TDRD3: variants seen among roughly 807,000 people sequenced by gnomAD.
TDRD3 encodes tudor domain-containing protein 3.
A neutral mutation model predicts 86.7 loss-of-function variants in TDRD3; 45 were observed. The ratio of observed to expected loss-of-function variants is 0.52; its 90% confidence interval spans 0.41 to 0.67. The LOEUF is 0.67. TDRD3 is among the 30% of genes least tolerant of loss of function. The pLI is 0.00. For synonymous variants in TDRD3, 298 were observed against 301.7 expected, an observed-to-expected ratio of 0.99 and a Z score of 0.13; for missense variants, 814 against 889.0, an observed-to-expected ratio of 0.92 and a Z score of 1.07.
chr13:60,485,647 T>C, intron 6 of TDRD3, 152 bp from the exon 7 acceptor site: 1 of 561,596 alleles, frequency 1.8e-6, no homozygotes, highest in Non-Finnish European at 2.7e-6. Flanking sequence ...TTTCTACTTT[T>C]ACTTTTAAAT....
At chr13:60,555,717 GTTCA>G (rs1379061365) in intron 12 of TDRD3, among the ~76,000 whole-genome samples, 4 of 152,044 alleles carry the variant, frequency 2.6e-5, no homozygotes, top group Non-Finnish European at 5.9e-5. Flanking sequence ...GTATCATTTA[GTTCA>G]TTCAATCTTA....
intron 1 of TDRD3, among the ~76,000 whole-genome samples, chr13:60,401,010 TA>T (rs1374233445): frequency 6.6e-6 from 1 of 152,208 alleles, no homozygotes; most frequent in African/African-American, 2.4e-5. Flanking sequence ...TTGTGGTGTG[TA>T]AATTTACTTT....
chr13:60,436,214 T>C (rs535416656), intron 1 of TDRD3, among the ~76,000 whole-genome samples: 1 of 152,112 alleles, frequency 6.6e-6, no homozygotes, highest in African/African-American at 2.4e-5. Flanking sequence ...GGGTTGTCTG[T>C]TTACTCTGCT....
At chr13:60,570,611 C>G (rs971060832) in intron 13 of TDRD3, among the ~76,000 whole-genome samples, 1 of 152,050 alleles carries the variant, frequency 6.6e-6, no homozygotes, top group Non-Finnish European at 1.5e-5. Flanking sequence ...TTAATTGCTT[C>G]AAACAAAGTT....
At chr13:60,443,910 G>A (rs1955340317) in intron 2 of TDRD3, among the ~76,000 whole-genome samples, 1 of 151,874 alleles carries the variant, frequency 6.6e-6, no homozygotes, top group Admixed American at 6.6e-5. Context: ...AGTACTGACA[G>A]TTTTCCTGTG....
At chr13:60,396,441 G>C (rs916576901), upstream of TDRD3, 2 of 152,282 alleles carry the variant, frequency 1.3e-5, no homozygotes, top group African/African-American at 2.4e-5. Context: ...ACGGCGGCGC[G>C]CATGCCCACT....
intron 4 of TDRD3, among the ~76,000 whole-genome samples, chr13:60,463,491 A>G (rs942665404): frequency 6.6e-6 from 1 of 152,116 alleles, no homozygotes; most frequent in Non-Finnish European, 1.5e-5. Context: ...CATAGGCAAC[A>G]TAAGTAAAAA....
At chr13:60,453,699 C>T (rs1010244117) in intron 3 of TDRD3, among the ~76,000 whole-genome samples, 2 of 152,170 alleles carry the variant, frequency 1.3e-5, no homozygotes, top group Non-Finnish European at 2.9e-5. Context: ...CTGCAGGATA[C>T]TGGAATGCTC....
chr13:60,513,875 A>G (rs1371463306), intron 10 of TDRD3, among the ~76,000 whole-genome samples: 1 of 152,230 alleles, frequency 6.6e-6, no homozygotes, highest in Non-Finnish European at 1.5e-5. Context: ...GTATGTCTTT[A>G]TCAGCAGCAA....
intron 1 of TDRD3, among the ~76,000 whole-genome samples, chr13:60,428,933 T>C (rs1008757571): frequency 3.9e-5 from 6 of 152,202 alleles, no homozygotes; most frequent in African/African-American, 1.4e-4. Context: ...ATAATCAGCA[T>C]ACCAGGGTGC....
intron 11 of TDRD3, among the ~76,000 whole-genome samples, chr13:60,532,060 G>T (rs1957594834): frequency 6.6e-6 from 1 of 152,058 alleles, no homozygotes; most frequent in African/African-American, 2.4e-5. Flanking sequence ...GTTAATAAAG[G>T]TCTAATGTTA....
chr13:60,484,674 A>T (rs932896299), intron 6 of TDRD3: 3 of 389,422 alleles, frequency 7.7e-6, no homozygotes, highest in South Asian at 3.9e-5. Context: ...AATAATGTTG[A>T]TTTTTTTTTT....
chr13:60,545,358 A>G lies in TDRD3; in HGVS notation c.2118+10125A>G, dbSNP rs1023522918. On this transcript the variant is annotated intron_variant, in intron 12 of 13. Transcript: ENST00000377881. ...TTCTATTTAACAGCCTTTTATTGGCATCTTTTATCATGTCTGATTATGTTC... is the reference window on the plus strand; with the variant it reads ...TTCTATTTAACAGCCTTTTATTGGCGTCTTTTATCATGTCTGATTATGTTC... Among the ~76,000 whole-genome samples the G allele has an allele frequency of 2.6e-5, 4 of 152,306 alleles. No homozygotes were observed. The South Asian group carries it at 6.2e-4, about 24-fold the overall frequency.
chr13:60,454,368 C>G (rs1955616366), intron 3 of TDRD3, among the ~76,000 whole-genome samples: 1 of 151,974 alleles, frequency 6.6e-6, no homozygotes, highest in African/African-American at 2.4e-5. Flanking sequence ...ATTCTCAAGT[C>G]CTTAGGGGCT....
rs770769232 is a variant in TDRD3 at position 60,528,681 on chromosome 13, C to G, written c.1456C>G (p.Pro486Ala). 4 of 1,613,480 alleles carry G rather than the reference C, an allele frequency of 2.5e-6. No individual in the cohort carries two copies. Among genetic ancestry groups the G allele is most frequent in the Middle Eastern group, 1.6e-4 (1 of 6,078 alleles). The change falls in exon 11 of 14, where the codon CCT (proline) becomes GCT (alanine). Residue 486 changes from proline to alanine, a missense_variant. Pro to Ala is a conservative substitution (Grantham distance 27, BLOSUM62 -1). Transcript: ENST00000377881. ...RYDRTKDTSY[P>A]LGSQHSDGAF... ...TGACAGAACTAAAGATACTTCATATCCTTTAGGTTCTCAGCATAGTGATGG... is the reference window on the plus strand; with the variant it reads ...TGACAGAACTAAAGATACTTCATATGCTTTAGGTTCTCAGCATAGTGATGG...
At chr13:60,411,855 C>G (rs564611509) in intron 1 of TDRD3, among the ~76,000 whole-genome samples, 11 of 152,218 alleles carry the variant, frequency 7.2e-5, no homozygotes, top group African/African-American at 2.6e-4. Context: ...TAAAGTGATT[C>G]TTTTGCACAT....
chr13:60,422,742 A>G (rs1391580594), intron 1 of TDRD3, among the ~76,000 whole-genome samples: 2 of 145,436 alleles, frequency 1.4e-5, no homozygotes, highest in Non-Finnish European at 3.1e-5. Flanking sequence ...AAAAACAACT[A>G]TGAGAATTTA....
intron 1 of TDRD3, 148 bp from the exon 2 acceptor site, chr13:60,439,540 A>G (rs1216058966): frequency 2.1e-5 from 13 of 610,788 alleles, no homozygotes; most frequent in Non-Finnish European, 3.7e-5. Flanking sequence ...AGACATAGTA[A>G]ATAAACAGGG....
rs545608915 is a variant in TDRD3 at position 60,510,691 on chromosome 13, G to T, written c.1077G>T (p.Arg359Ser). ...SEDEEDLGNA[R>S]PSAPSTLFDF... is the part of the protein sequence containing the mutation. ...ATGAAGAGGACCTGGGAAATGCAAGGCCATCAGCACCAAGCACATTATTTG... is the reference window on the plus strand; with the variant it reads ...ATGAAGAGGACCTGGGAAATGCAAGTCCATCAGCACCAAGCACATTATTTG... Residue 359 changes from arginine (R) to serine (S), a missense_variant, in exon 10 of 14, where the codon AGG (arginine) becomes AGT (serine). Coordinates refer to ENST00000377881, the MANE Select transcript of TDRD3 (RefSeq NM_001146070.2). 6.2e-7 allele frequency: 1 copy of T among 1,606,966 alleles called. No individual in the cohort carries two copies. The highest frequency in any genetic ancestry group is 1.3e-5 in the African/African-American group (1 of 74,772).
Sources: allele counts gnomAD v4.1 joint callset (sites outside exome capture counted in the v4.1 genomes callset), GRCh38; gene constraint gnomAD v4.1.1; transcripts MANE v1.5; gene names NCBI Gene and HGNC (gene_info 2026-07-23, HGNC 2026-07-21).